PDZRN3: variants seen among roughly 807,000 people sequenced by gnomAD.
PDZRN3 encodes the protein E3 ubiquitin-protein ligase PDZRN3.
PDZRN3 carries 38 observed loss-of-function variants against 85.7 expected under a neutral mutation model. The ratio of observed to expected loss-of-function variants is 0.44; its 90% confidence interval spans 0.34 to 0.58. PDZRN3 has a LOEUF of 0.58. Among genes scored for constraint, PDZRN3 ranks in the 20% least tolerant of loss-of-function variants. PDZRN3 has a pLI of 0.01. For missense variants in PDZRN3, 1,629 were observed against 1,506.4 expected (o/e 1.08, Z -1.35); for synonymous variants, 759 against 638.0 (o/e 1.19, Z -2.86).
chr3:73,421,266 A>G (rs1236878551), intron 3 of PDZRN3, among the ~76,000 whole-genome samples: 3 of 152,134 alleles, frequency 2.0e-5, no homozygotes, highest in Non-Finnish European at 2.9e-5. Flanking sequence ...GAAACAGCTC[A>G]TATTCCTGAG....
intron 3 of PDZRN3, among the ~76,000 whole-genome samples, chr3:73,548,453 T>C (rs1701479641): frequency 6.6e-6 from 1 of 152,198 alleles, no homozygotes; most frequent in Non-Finnish European, 1.5e-5. Flanking sequence ...GATCCTACTT[T>C]AGAGCACTCA....
chr3:73,574,822 A>G (rs1702099475), intron 3 of PDZRN3, among the ~76,000 whole-genome samples: 1 of 152,340 alleles, frequency 6.6e-6, no homozygotes, highest in African/African-American at 2.4e-5. Context: ...AACAAATTCA[A>G]CTTCCCCCCT....
chr3:73,383,776 C>A lies in PDZRN3; in HGVS notation c.2790G>T (p.Thr930=). ...GCACGGGCCTCTTGGTGATGTAGCG[C>A]GTCCCGTCGCTGCGGATCTTCACCT... The part of the protein sequence containing the change: ...EWKVKIRSDG[T]RYITKRPVRD... The change falls in exon 10 of 10, where the codon ACG becomes ACT. Residue 930 remains threonine (T), a synonymous_variant. Transcript: ENST00000263666. 1 of 1,613,234 alleles carries A rather than the reference C, an allele frequency of 6.2e-7. No individual in the cohort carries two copies. Among genetic ancestry groups the A allele is most frequent in the South Asian group, 1.1e-5 (1 of 91,074 alleles).
intron 3 of PDZRN3, among the ~76,000 whole-genome samples, chr3:73,574,440 C>T (rs745794697): frequency 1.0e-4 from 4 of 40,020 alleles, no homozygotes; most frequent in South Asian, 1.1e-3. Flanking sequence ...GGAAGAAGCA[C>T]TTTTTTTTGG....
intron 3 of PDZRN3, among the ~76,000 whole-genome samples, chr3:73,556,273 T>C (rs1701693605): frequency 6.6e-6 from 1 of 152,034 alleles, no homozygotes; most frequent in Non-Finnish European, 1.5e-5. Flanking sequence ...CCAAAAATGG[T>C]TTCAGAAACT....
At chr3:73,484,493 G>GA (rs1254082092) in intron 3 of PDZRN3, among the ~76,000 whole-genome samples, 1 of 152,198 alleles carries the variant, frequency 6.6e-6, no homozygotes, top group Non-Finnish European at 1.5e-5. Context: ...TGTGATGGCA[G>GA]AAAGGCCCTA....
intron 3 of PDZRN3, among the ~76,000 whole-genome samples, chr3:73,487,293 T>C (rs1310397582): frequency 6.6e-6 from 1 of 152,198 alleles, no homozygotes; most frequent in Non-Finnish European, 1.5e-5. Context: ...CTGTGCCTTA[T>C]TATTAGAGGG....
chr3:73,414,971 C>T (rs545096468), intron 3 of PDZRN3, among the ~76,000 whole-genome samples: 24 of 152,338 alleles, frequency 1.6e-4, no homozygotes, highest in African/African-American at 5.5e-4. Flanking sequence ...TTATTTTCTA[C>T]GTACCATGCA....
chr3:73,606,294 A>G (rs1467508045), intron 2 of PDZRN3, among the ~76,000 whole-genome samples: 1 of 152,266 alleles, frequency 6.6e-6, no homozygotes, highest in African/African-American at 2.4e-5. Context: ...TAAACAAGGA[A>G]CAGCCAACTC....
intron 3 of PDZRN3, among the ~76,000 whole-genome samples, chr3:73,573,658 C>A (rs182536663): frequency 1.5e-3 from 226 of 152,236 alleles, no homozygotes; most frequent in Non-Finnish European, 2.6e-3. Flanking sequence ...TATGGTAATA[C>A]CTCAGTTGTA....
chr3:73,597,048 T>C (rs1410576365), intron 3 of PDZRN3, among the ~76,000 whole-genome samples: 1 of 152,206 alleles, frequency 6.6e-6, no homozygotes, highest in Admixed American at 6.5e-5. Flanking sequence ...CAGAAATCCA[T>C]GTCTACAAGT....
chr3:73,579,594 G>C (rs1702169518), intron 3 of PDZRN3, among the ~76,000 whole-genome samples: 1 of 152,152 alleles, frequency 6.6e-6, no homozygotes, highest in Non-Finnish European at 1.5e-5. Flanking sequence ...GACAGGTATT[G>C]AGAATTAGCC....
intron 5 of PDZRN3, among the ~76,000 whole-genome samples, chr3:73,397,542 G>A (rs865940829): frequency 2.6e-5 from 4 of 152,188 alleles, no homozygotes; most frequent in Admixed American, 2.6e-4. Flanking sequence ...CTCAGCATGC[G>A]GGGTTTATTA....
intron 3 of PDZRN3, among the ~76,000 whole-genome samples, chr3:73,488,267 C>T (rs1466318337): frequency 6.6e-6 from 1 of 152,208 alleles, no homozygotes; most frequent in Non-Finnish European, 1.5e-5. Context: ...AAAGATACAG[C>T]TACCACTTGG....
chr3:73,475,122 G>C (rs533459594), intron 3 of PDZRN3, among the ~76,000 whole-genome samples: 1 of 152,202 alleles, frequency 6.6e-6, no homozygotes, highest in African/African-American at 2.4e-5. Context: ...AGAAGAAAGG[G>C]AATAAAGACA....
intron 3 of PDZRN3, among the ~76,000 whole-genome samples, chr3:73,461,782 C>T (rs1033574616): frequency 2.0e-5 from 3 of 152,176 alleles, no homozygotes; most frequent in African/African-American, 7.2e-5. Flanking sequence ...CATTCACAGC[C>T]TAGGTTCCCC....
chr3:73,524,889 G>A (rs1704485136), intron 3 of PDZRN3, among the ~76,000 whole-genome samples: 1 of 151,198 alleles, frequency 6.6e-6, no homozygotes, highest in South Asian at 2.1e-4. Flanking sequence ...ATATATATAC[G>A]ATCTTTCATC....
intron 3 of PDZRN3, among the ~76,000 whole-genome samples, chr3:73,503,002 G>A (rs934426107): frequency 6.6e-6 from 1 of 152,186 alleles, no homozygotes; most frequent in African/African-American, 2.4e-5. Flanking sequence ...CACTTCTGGG[G>A]CTGTGTATAT....
At chr3:73,489,851 C>T (rs1027082484) in intron 3 of PDZRN3, among the ~76,000 whole-genome samples, 3 of 151,944 alleles carry the variant, frequency 2.0e-5, no homozygotes, top group Non-Finnish European at 4.4e-5. Context: ...GGATTCCAGG[C>T]GTGAGCCACC....
Sources: gnomAD v4.1 joint callset for allele counts (sites outside exome capture counted in the v4.1 genomes callset) on GRCh38, gnomAD v4.1.1 for gene constraint, MANE v1.5 for transcripts, NCBI Gene and HGNC (gene_info 2026-07-23, HGNC 2026-07-21) for gene names.